The following RGS17 variants were observed in gnomAD, a reference collection of about 807,000 sequenced individuals.
RGS17 encodes regulator of G-protein signaling 17.
RGS17 carries 12 observed loss-of-function variants against 25.5 expected under a neutral mutation model. The ratio of observed to expected loss-of-function variants is 0.47; its 90% CI spans 0.30 to 0.76. The LOEUF (loss-of-function observed/expected upper bound fraction) is 0.76. RGS17 is among the 30% of genes least tolerant of loss of function. RGS17 has a pLI of 0.07. For synonymous variants in RGS17, 71 were observed against 76.9 expected (o/e 0.92, Z 0.40); for missense variants, 196 against 242.2 (o/e 0.81, Z 1.27).
At chr6:153,026,021 C>T (rs938536859) in intron 3 of RGS17, among the ~76,000 whole-genome samples, 5 of 152,028 alleles carry the variant, frequency 3.3e-5, no homozygotes, top group African/African-American at 7.2e-5. Context: ...GGAGGCAGCA[C>T]GTGGGGAGAG....
chr6:153,030,234 G>A (rs1346685542), intron 2 of RGS17, among the ~76,000 whole-genome samples: 1 of 152,186 alleles, frequency 6.6e-6, no homozygotes, highest in East Asian at 1.9e-4. Flanking sequence ...ACAGTGGAGT[G>A]AGAAAAAACA....
At chr6:153,063,498 A>G (rs6557256) in intron 1 of RGS17, among the ~76,000 whole-genome samples, 58,322 of 151,896 alleles carry the variant, frequency 0.38, 11,881 homozygotes, top group East Asian at 0.62. Context: ...GAAAGAATTA[A>G]TGAACTTGAA....
At chr6:153,069,618 T>C (rs1257913808) in intron 1 of RGS17, among the ~76,000 whole-genome samples, 3 of 152,136 alleles carry the variant, frequency 2.0e-5, no homozygotes, top group African/African-American at 7.2e-5. Context: ...AGAGTATAAT[T>C]GGATAGTTTG....
intron 1 of RGS17, among the ~76,000 whole-genome samples, chr6:153,111,044 GT>G (rs879306263): frequency 0.028 from 4,197 of 147,394 alleles, 77 homozygotes; most frequent in Non-Finnish European, 0.042. Flanking sequence ...CTGCAGGAGT[GT>G]TTTTTTTTTT....
At chr6:153,060,531 T>C (rs1776618465) in intron 1 of RGS17, among the ~76,000 whole-genome samples, 1 of 152,154 alleles carries the variant, frequency 6.6e-6, no homozygotes, top group Admixed American at 6.5e-5. Flanking sequence ...CTCTGAGCTC[T>C]TTGAGGGCAG....
chr6:153,019,338 A>C (rs540773482), intron 4 of RGS17, among the ~76,000 whole-genome samples: 18 of 152,292 alleles, frequency 1.2e-4, no homozygotes, highest in African/African-American at 3.9e-4. Context: ...AAGGATTTAT[A>C]GTTATTTCTT....
chr6:153,073,023 A>G (rs754765758), intron 1 of RGS17, among the ~76,000 whole-genome samples: 29 of 152,204 alleles, frequency 1.9e-4, no homozygotes, highest in Non-Finnish European at 4.1e-4. Context: ...TTCCTACTAC[A>G]CACACATCAG....
chr6:153,111,276 G>A (rs1443372885), intron 1 of RGS17, among the ~76,000 whole-genome samples: 2 of 152,162 alleles, frequency 1.3e-5, no homozygotes, highest in Non-Finnish European at 2.9e-5. Flanking sequence ...CGCCATTACT[G>A]AGGCTTGAGT....
chr6:153,040,995 TA>T (rs71017569), intron 2 of RGS17, among the ~76,000 whole-genome samples: 23,550 of 121,986 alleles, frequency 0.19, 2,606 homozygotes, highest in African/African-American at 0.35. Flanking sequence ...CTGACTCCAC[TA>T]AAAAAAAAAA....
intron 1 of RGS17, among the ~76,000 whole-genome samples, chr6:153,044,564 C>T (rs1776364402): frequency 6.6e-6 from 1 of 152,164 alleles, no homozygotes; most frequent in South Asian, 2.1e-4. Context: ...TCCTTTTTGG[C>T]ACTTTTGACT....
chr6:153,036,349 G>A (rs1218134984), intron 2 of RGS17, among the ~76,000 whole-genome samples: 2 of 152,052 alleles, frequency 1.3e-5, no homozygotes, highest in East Asian at 1.9e-4. Flanking sequence ...CACTGTGCCC[G>A]GCCCCCTTGC....
At chr6:153,067,918 C>G (rs1484639829) in intron 1 of RGS17, among the ~76,000 whole-genome samples, 1 of 152,146 alleles carries the variant, frequency 6.6e-6, no homozygotes, top group Admixed American at 6.5e-5. Context: ...TTCTACAGAG[C>G]TATAGTAACC....
chr6:153,078,093 C>G (rs144881725), intron 1 of RGS17, among the ~76,000 whole-genome samples: 11,789 of 152,152 alleles, frequency 0.077, 623 homozygotes, highest in East Asian at 0.17. Context: ...AGGCTGGTCT[C>G]GAACTCCTGA....
At chr6:153,115,320 T>G (rs924515236) in intron 1 of RGS17, among the ~76,000 whole-genome samples, 1 of 152,172 alleles carries the variant, frequency 6.6e-6, no homozygotes, top group Admixed American at 6.5e-5. Flanking sequence ...ATGAGTGTAC[T>G]CCCATTCACA....
intron 1 of RGS17, among the ~76,000 whole-genome samples, chr6:153,068,745 C>T (rs930081633): frequency 9.2e-5 from 14 of 152,116 alleles, no homozygotes; most frequent in Admixed American, 9.2e-4. Context: ...AAAGATCAAA[C>T]AAATTCATAG....
intron 1 of RGS17, among the ~76,000 whole-genome samples, chr6:153,108,539 C>G (rs892466486): frequency 1.3e-5 from 2 of 151,812 alleles, no homozygotes; most frequent in Non-Finnish European, 2.9e-5. Context: ...ACTTCAGATG[C>G]TATGAGCCAT....
At chr6:153,038,600 A>G (rs953196333) in intron 2 of RGS17, among the ~76,000 whole-genome samples, 2 of 152,248 alleles carry the variant, frequency 1.3e-5, no homozygotes, top group Admixed American at 6.5e-5. Context: ...ACAGGCACAG[A>G]GGAAACCATG....
At chr6:153,076,163 C>T (rs1776875125) in intron 1 of RGS17, among the ~76,000 whole-genome samples, 1 of 152,062 alleles carries the variant, frequency 6.6e-6, no homozygotes, top group Non-Finnish European at 1.5e-5. Context: ...AAACATTACA[C>T]TCTGTATATC....
intron 1 of RGS17, among the ~76,000 whole-genome samples, chr6:153,059,616 A>C (rs1776608887): frequency 6.6e-6 from 1 of 152,138 alleles, no homozygotes; most frequent in African/African-American, 2.4e-5. Context: ...AATAAAAGAA[A>C]CCCTATTTAT....
Sources: allele counts gnomAD v4.1 joint callset (sites outside exome capture counted in the v4.1 genomes callset), GRCh38; gene constraint gnomAD v4.1.1; transcripts MANE v1.5; gene names NCBI Gene and HGNC (gene_info 2026-07-23, HGNC 2026-07-21).